Variants in GOLM2 observed in about 807,000 individuals in gnomAD.
GOLM2 encodes protein GOLM2.
Under a neutral mutation model 55.9 loss-of-function variants are expected in GOLM2, and 26 were observed. The observed-to-expected ratio is 0.47, with a 90% confidence interval of 0.34 to 0.65. The LOEUF (loss-of-function observed/expected upper bound fraction) is 0.65. GOLM2 is among the 30% of genes least tolerant of loss of function. The pLI, the probability that GOLM2 is intolerant of heterozygous loss-of-function variation, is 0.01. For missense variants in GOLM2, 486 were observed against 531.8 expected, an observed-to-expected ratio of 0.91 and a Z score of 0.85; for synonymous variants, 165 against 194.6, an observed-to-expected ratio of 0.85 and a Z score of 1.27.
intron 1 of GOLM2, among the ~76,000 whole-genome samples, chr15:44,298,709 G>A (rs774430857): frequency 6.6e-6 from 1 of 152,230 alleles, no homozygotes; most frequent in East Asian, 1.9e-4. Context: ...CTTGAGGAAG[G>A]ACTATGTTTT....
At chr15:44,292,432 G>A (rs1425806406) in intron 1 of GOLM2, among the ~76,000 whole-genome samples, 2 of 152,004 alleles carry the variant, frequency 1.3e-5, no homozygotes, top group African/African-American at 2.4e-5. Flanking sequence ...TCCTGACCTC[G>A]TGATCCACCA....
intron 1 of GOLM2, among the ~76,000 whole-genome samples, chr15:44,300,356 C>G (rs1014755661): frequency 6.6e-6 from 1 of 152,138 alleles, no homozygotes; most frequent in Non-Finnish European, 1.5e-5. Context: ...ATATTGGGCA[C>G]TTACTGTGCT....
intron 1 of GOLM2, among the ~76,000 whole-genome samples, chr15:44,310,343 C>G (rs1395671938): frequency 6.6e-6 from 1 of 151,636 alleles, no homozygotes; most frequent in Non-Finnish European, 1.5e-5. Flanking sequence ...AGAGAACCAA[C>G]TAAAAAGACT....
rs537876261 is a variant in GOLM2, at chr15:44,361,423, T to G, written c.803-18267T>G. 2.6e-5 allele frequency among the ~76,000 whole-genome samples: 4 copies of G among 151,856 alleles called. No individual in the cohort carries two copies. The South Asian group carries it at 6.2e-4, about 24-fold the overall frequency. ...TCAGAGAATACTACAAACACCTCTA[T>G]GCAAATAAACTAGAAAATCTAGAAG... On this transcript the variant is annotated intron_variant, in intron 6 of 9. Transcript: ENST00000299957.
intron 6 of GOLM2, chr15:44,348,903 A>G (rs189860492): frequency 6.6e-6 from 1 of 152,536 alleles, no homozygotes; most frequent in East Asian, 1.9e-4. Flanking sequence ...CTTGTCTCAA[A>G]AAAAGAAAAA....
In GOLM2 at chr15:44,379,674, A is replaced by AT. The variant is rs769023385; in HGVS notation, c.803-8dup. 59 of 844,018 alleles carry AT rather than the reference A, an allele frequency of 7.0e-5. No homozygotes were observed. The highest frequency in any genetic ancestry group is 8.6e-5 in the Non-Finnish European group (51 of 596,030). The allele number at this position is 844,018 out of a possible 1,614,324, so 52.3% of individuals were successfully genotyped here. ...GTATCAATGGGAATAATATGGATTT[A>AT]TTTTTTTTCTTCTAGCTTTAAGGAA... On this transcript the variant is annotated splice_polypyrimidine_tract_variant and intron_variant, in intron 6 of 9. Transcript: ENST00000299957.
chr15:44,380,737 C>G, intron 7 of GOLM2, 69 bp from the exon 8 acceptor site: 1 of 1,105,410 alleles, frequency 9.0e-7, no homozygotes, highest in Non-Finnish European at 1.2e-6. Context: ...TAAAGCAGAT[C>G]TTGTGAAATT....
chr15:44,364,069 G>A (rs2079264725), intron 6 of GOLM2, among the ~76,000 whole-genome samples: 1 of 152,102 alleles, frequency 6.6e-6, no homozygotes, highest in Non-Finnish European at 1.5e-5. Flanking sequence ...GGGAGGGATA[G>A]CATTGGGAGA....
intron 1 of GOLM2, among the ~76,000 whole-genome samples, chr15:44,304,729 A>G (rs1349886733): frequency 6.6e-6 from 1 of 151,948 alleles, no homozygotes; most frequent in Non-Finnish European, 1.5e-5. Flanking sequence ...ATTTTTAAAA[A>G]ATGGTTTGTA....
At chr15:44,369,068 T>A (rs1220720442) in intron 6 of GOLM2, among the ~76,000 whole-genome samples, 1 of 5,832 alleles carries the variant, frequency 1.7e-4, no homozygotes, top group Non-Finnish European at 4.2e-4. Context: ...TAGGATATAT[T>A]ATATATATAT....
Position 44,289,005 on chromosome 15 carries a change from C to T in GOLM2, c.-25C>T. 1 of 1,599,678 alleles carries T rather than the reference C, an allele frequency of 6.3e-7. No individual in the cohort carries two copies. On this transcript the variant is annotated 5_prime_UTR_variant, in exon 1 of 10. Coordinates refer to ENST00000299957, the MANE Select transcript of GOLM2 (RefSeq NM_138423.4). The surrounding 1 kb of genome is among the most constrained non-coding windows in gnomAD (Gnocchi z 4.8). ...CCTGCAGGTGTCTGCGGCGAGGCCC[C>T]TAGGGTACAGCCCGATTTGGCCCCA...
At chr15:44,323,698 T>G (rs568581043) in intron 2 of GOLM2, among the ~76,000 whole-genome samples, 3 of 152,176 alleles carry the variant, frequency 2.0e-5, no homozygotes, top group South Asian at 4.1e-4. Flanking sequence ...TTTTAAAATT[T>G]TGCATGCATT....
At chr15:44,389,291 A>G (rs1020499385) in intron 8 of GOLM2, among the ~76,000 whole-genome samples, 1 of 152,068 alleles carries the variant, frequency 6.6e-6, no homozygotes, top group Non-Finnish European at 1.5e-5. Context: ...GCACTTTTGG[A>G]GGCTGAGGCA....
At chr15:44,379,293 A>G (rs1229272705) in intron 6 of GOLM2, among the ~76,000 whole-genome samples, 1 of 152,128 alleles carries the variant, frequency 6.6e-6, no homozygotes, top group Non-Finnish European at 1.5e-5. Context: ...CCTGGCCAAC[A>G]TGGCGAAACC....
rs186951499 is a variant in GOLM2, at chr15:44,332,118, T to C, written c.576+40T>C. ...TATACTTAAATCCAAATATTTTTATTATAAATCATGGTAATTTAGAAATTA... is the reference window on the plus strand; with the variant it reads ...TATACTTAAATCCAAATATTTTTATCATAAATCATGGTAATTTAGAAATTA... On this transcript the variant is annotated intron_variant, in intron 4 of 9. Coordinates refer to ENST00000299957, the MANE Select transcript of GOLM2 (RefSeq NM_138423.4). The C allele has an allele frequency of 5.1e-6, 5 of 977,464 alleles. 1 individual carries two copies. The highest frequency in any genetic ancestry group is 5.0e-5 in the African/African-American group (3 of 59,678). The allele number at this position is 977,464 out of a possible 1,614,324, so 60.5% of individuals were successfully genotyped here.
chr15:44,404,774 C>G (rs1009067233), intron 9 of GOLM2, among the ~76,000 whole-genome samples: 17 of 152,076 alleles, frequency 1.1e-4, no homozygotes, highest in Non-Finnish European at 2.2e-4. Context: ...GCACATCACC[C>G]ACCCGCCACA....
chr15:44,376,106 G>A (rs1201115370), intron 6 of GOLM2, among the ~76,000 whole-genome samples: 1 of 152,202 alleles, frequency 6.6e-6, no homozygotes, highest in Non-Finnish European at 1.5e-5. Context: ...CTTGGCGCAT[G>A]CCTATAATCC....
intron 1 of GOLM2, among the ~76,000 whole-genome samples, chr15:44,293,711 T>C (rs983429206): frequency 1.3e-5 from 2 of 152,228 alleles, no homozygotes; most frequent in Admixed American, 6.5e-5. Context: ...GATTTATCAC[T>C]ACTTATGTTA....
At chr15:44,405,118 T>C (rs1379859287) in intron 9 of GOLM2, among the ~76,000 whole-genome samples, 1 of 152,188 alleles carries the variant, frequency 6.6e-6, no homozygotes, top group African/African-American at 2.4e-5. Flanking sequence ...CCCTTTCTTG[T>C]ACTCTTCTCC....
Sources: allele counts gnomAD v4.1 joint callset (sites outside exome capture counted in the v4.1 genomes callset), GRCh38; gene constraint gnomAD v4.1.1; non-coding constraint Gnocchi (gnomAD v3.1); transcripts MANE v1.5; gene names NCBI Gene and HGNC (gene_info 2026-07-23, HGNC 2026-07-21).